Variants in KCNQ1 observed in about 807,000 individuals in gnomAD.
The protein encoded by KCNQ1 is potassium voltage-gated channel subfamily Q member 1.
In KCNQ1, 49 loss-of-function variants were observed where a neutral mutation model predicts 72.4. That is an observed-to-expected ratio of 0.68 (90% confidence interval 0.54 to 0.86). The LOEUF (loss-of-function observed/expected upper bound fraction) is 0.86, where lower values mean the gene tolerates loss of function less well. Among genes scored for constraint, KCNQ1 ranks in the 40% least tolerant of loss-of-function variants. The probability of loss-of-function intolerance (pLI) is 0.00; values close to 1 mark genes in which losing one functional copy is unlikely to be tolerated. For missense variants in KCNQ1, 790 were observed against 945.1 expected (o/e 0.84, Z 2.15); for synonymous variants, 450 against 412.6 (o/e 1.09, Z -1.10).
Position 2,509,047 on chromosome 11 carries a change from G to A in KCNQ1, c.387-18881G>A, listed in dbSNP as rs142235549. Among the ~76,000 whole-genome samples, 39 of 152,346 alleles carry A rather than the reference G, an allele frequency of 2.6e-4. 1 individual carries two copies. In the East Asian group the frequency reaches 7.3e-3, roughly 29 times the overall value. On this transcript the variant is annotated intron_variant, in intron 1 of 15. Transcript: ENST00000155840. The surrounding 1 kb of genome is among the most constrained non-coding windows in gnomAD (Gnocchi z 6.3). ...GAGCAATCTGGAAGGCTTCCTGGAG[G>A]AGGAGCTATTGCTCAGGGTGAAATA...
At chr11:2,775,665 G>A (rs1258771159) in intron 12 of KCNQ1, among the ~76,000 whole-genome samples, 1 of 152,224 alleles carries the variant, frequency 6.6e-6, no homozygotes. Context: ...GGTAGCCTGG[G>A]GTGGTGGGGG....
rs953569672 is a variant in KCNQ1 at position 2,541,906 on chromosome 11, T to C, written c.477+13888T>C. On this transcript the variant is annotated intron_variant, in intron 2 of 15. Coordinates refer to ENST00000155840, the MANE Select transcript of KCNQ1 (RefSeq NM_000218.3). The surrounding 1 kb of genome is among the most constrained non-coding windows in gnomAD (Gnocchi z 4.8). ...TCAGCTAAGGGGGTTTGGGGGCCAG[T>C]CGGCAGCCTCTGGAGGCCTCTGCAC... Among the ~76,000 whole-genome samples, 3 of 152,216 alleles carry C rather than the reference T, an allele frequency of 2.0e-5. No homozygotes were observed. The South Asian group carries it at 6.2e-4, about 32-fold the overall frequency.
intron 11 of KCNQ1, chr11:2,685,061 G>A: frequency 5.0e-6 from 2 of 398,626 alleles, no homozygotes; most frequent in Non-Finnish European, 8.8e-6. Flanking sequence ...AAAATGTATG[G>A]GACAGCCTGT....
chr11:2,838,851 G>T (rs1001909450), intron 15 of KCNQ1, among the ~76,000 whole-genome samples: 1 of 152,182 alleles, frequency 6.6e-6, no homozygotes, highest in African/African-American at 2.4e-5. Flanking sequence ...TCGCCAGAGG[G>T]GGCAGCTCAG....
rs938247352 is a variant in KCNQ1 at position 2,688,257 on chromosome 11, G to A, written c.1514+26176G>A. ...CATACAGGGCTGTTTGATCTGAGAG[G>A]GAGGCGCCATGACCTCTGTTTAGAC... On this transcript the variant is annotated intron_variant, in intron 11 of 15. Transcript: ENST00000155840. 1.2e-4 allele frequency: 49 copies of A among 398,556 alleles called. No homozygotes were observed. Among genetic ancestry groups the A allele is most frequent in the Non-Finnish European group, 4.9e-5 (11 of 226,126 alleles). 24.7% of individuals were successfully genotyped at this position (398,556 alleles called of 1,614,324 possible). A position where few individuals can be genotyped will look rare whatever the true frequency, so the allele number is the denominator to read the frequency against.
In KCNQ1 at chr11:2,627,082, C is replaced by T; in HGVS notation, c.1394-34879C>T. ...AGGAGGTGTTTTCCCTTTATGTCTACTTTAATTTCTTTCAGCATTGTTTTG... is the reference window on the plus strand; with the variant it reads ...AGGAGGTGTTTTCCCTTTATGTCTATTTTAATTTCTTTCAGCATTGTTTTG... On this transcript the variant is annotated intron_variant, in intron 10 of 15. Transcript: ENST00000155840. The surrounding 1 kb of genome is among the most constrained non-coding windows in gnomAD (Gnocchi z 4.9). The T allele has an allele frequency of 2.5e-6, 1 of 398,406 alleles. No homozygotes were observed. Among genetic ancestry groups the T allele is most frequent in the South Asian group, 1.3e-4 (1 of 7,850 alleles). The allele number at this position is 398,406 out of a possible 1,614,324, so 24.7% of individuals were successfully genotyped here.
rs1157654099 is a variant in KCNQ1 at position 2,691,425 on chromosome 11, T to TG, written c.1514+29345dup. The TG allele has an allele frequency of 1.5e-5, 6 of 398,520 alleles. No homozygotes were observed. The Admixed American group carries it at 2.6e-4, about 18-fold the overall frequency. The allele number at this position is 398,520 out of a possible 1,614,324, so 24.7% of individuals were successfully genotyped here. A position where few individuals can be genotyped will look rare whatever the true frequency, so the allele number is the denominator to read the frequency against. ...GAACTGCTGTCTGTGGGGAGTCCACTGAAGCTCCCTGCCCCCACTGAGTCT... is the reference window on the plus strand; with the variant it reads ...GAACTGCTGTCTGTGGGGAGTCCACTGGAAGCTCCCTGCCCCCACTGAGTCT... On this transcript the variant is annotated intron_variant, in intron 11 of 15. Coordinates refer to ENST00000155840, the MANE Select transcript of KCNQ1 (RefSeq NM_000218.3). This position sits in a 1 kb window ranked among gnomAD's most constrained non-coding sequence, Gnocchi z 6.4.
intron 2 of KCNQ1, among the ~76,000 whole-genome samples, chr11:2,548,761 C>T (rs1484387253): frequency 2.0e-5 from 3 of 152,196 alleles, no homozygotes; most frequent in South Asian, 2.1e-4. Context: ...TGGGCTCTGG[C>T]GGTGGCCTGG....
chr11:2,807,654 G>A (rs1252839819), intron 15 of KCNQ1, among the ~76,000 whole-genome samples: 3 of 152,040 alleles, frequency 2.0e-5, no homozygotes, highest in East Asian at 1.9e-4. Context: ...ACAGGCGGGC[G>A]AGGGGCACCC....
intron 2 of KCNQ1, among the ~76,000 whole-genome samples, chr11:2,570,182 GC>G (rs1036074995): frequency 7.8e-5 from 11 of 140,286 alleles, no homozygotes; most frequent in African/African-American, 3.3e-4. Flanking sequence ...CTGGTGTGGG[GC>G]CCCCTCTGAC....
At position 2,698,761 on chromosome 11, in the gene KCNQ1, G is replaced by A. The variant is rs1274147785; in HGVS notation, c.1514+36680G>A. On this transcript the variant is annotated intron_variant, in intron 11 of 15. Coordinates refer to ENST00000155840, the MANE Select transcript of KCNQ1 (RefSeq NM_000218.3). The surrounding 1 kb of genome is among the most constrained non-coding windows in gnomAD (Gnocchi z 5.1). ...TTGGATCTCAACTCAGAGCCATGAT[G>A]CAGACTCCAGACCGGGATTCAGGTC... 2.0e-5 allele frequency: 8 copies of A among 398,596 alleles called. No homozygotes were observed. Among genetic ancestry groups the A allele is most frequent in the Non-Finnish European group, 3.5e-5 (8 of 226,158 alleles). 24.7% of individuals were successfully genotyped at this position (398,596 alleles called of 1,614,324 possible). A position where few individuals can be genotyped will look rare whatever the true frequency, so the allele number is the denominator to read the frequency against.
At chr11:2,634,315 CCCCCTCCCCCCTCCCCCCCCA>C (rs1196658478) in intron 10 of KCNQ1, 2 of 7,268 alleles carry the variant, frequency 2.8e-4, no homozygotes, top group Admixed American at 2.8e-3. Context: ...GCTTTCCCTC[CCCCCTCCCCCCTCCCCCCCCA>C]CCCCACAACA....
At chr11:2,514,723 G>A (rs1406656866) in intron 1 of KCNQ1, among the ~76,000 whole-genome samples, 1 of 152,236 alleles carries the variant, frequency 6.6e-6, no homozygotes, top group Admixed American at 6.5e-5. Context: ...CTACTCGGGA[G>A]GCTGAGGCAG....
intron 2 of KCNQ1, 112 bp from the exon 3 acceptor site, chr11:2,570,516 A>G (rs1407278292): frequency 1.4e-6 from 2 of 1,440,126 alleles, no homozygotes; most frequent in Non-Finnish European, 9.5e-7. Context: ...TGCTGTTCTC[A>G]GGGTGTCCTT....
Position 2,803,030 on chromosome 11 carries a change from A to G in KCNQ1, c.1794+24993A>G, listed in dbSNP as rs1564899095. 1.3e-5 allele frequency among the ~76,000 whole-genome samples: 2 copies of G among 152,186 alleles called. No individual in the cohort carries two copies. Among genetic ancestry groups the G allele is most frequent in the Non-Finnish European group, 2.9e-5 (2 of 68,026 alleles). ...GAGCTGGCCCTGGCCACTCTCTCAG[A>G]GCAGGAGGTGACATGAAGGGAAGGT... On this transcript the variant is annotated intron_variant, in intron 15 of 15. Transcript: ENST00000155840. This position sits in a 1 kb window ranked among gnomAD's most constrained non-coding sequence, Gnocchi z 6.4.
At chr11:2,604,610 T>A (rs978146427) in intron 10 of KCNQ1, among the ~76,000 whole-genome samples, 5 of 150,538 alleles carry the variant, frequency 3.3e-5, no homozygotes, top group African/African-American at 1.2e-4. Context: ...AGTGGCGCGA[T>A]CTGAGCTCAC....
Position 2,509,164 on chromosome 11 carries a change from G to C in KCNQ1, c.387-18764G>C, listed in dbSNP as rs1274557396. 6.6e-6 allele frequency among the ~76,000 whole-genome samples: 1 copy of C among 152,244 alleles called. No individual in the cohort carries two copies. The highest frequency in any genetic ancestry group is 1.5e-5 in the Non-Finnish European group (1 of 68,046). ...TCTGTTACCAAAAGCACACAGCACAGGTTGGGAGAGCAACTATCTCAAGGC... is the reference window on the plus strand; with the variant it reads ...TCTGTTACCAAAAGCACACAGCACACGTTGGGAGAGCAACTATCTCAAGGC... On this transcript the variant is annotated intron_variant, in intron 1 of 15. Transcript: ENST00000155840. This position sits in a 1 kb window ranked among gnomAD's most constrained non-coding sequence, Gnocchi z 6.3.
rs1466813310 is a variant in KCNQ1, at chr11:2,566,820, CT to C, written c.478-3807del. Reference sequence around the variant, plus strand: ...AGGCGCTTTGTGGGGCTGGATGATCCTGGGTGCCCCTCAGAGAAGGCCCTGG... The same window carrying C: ...AGGCGCTTTGTGGGGCTGGATGATCCGGGTGCCCCTCAGAGAAGGCCCTGG... On this transcript the variant is annotated intron_variant, in intron 2 of 15. Transcript: ENST00000155840. The surrounding 1 kb of genome is among the most constrained non-coding windows in gnomAD (Gnocchi z 6.7). 6.6e-6 allele frequency among the ~76,000 whole-genome samples: 1 copy of C among 152,142 alleles called. No individual in the cohort carries two copies. The highest frequency in any genetic ancestry group is 2.4e-5 in the African/African-American group (1 of 41,418).
intron 2 of KCNQ1, among the ~76,000 whole-genome samples, chr11:2,551,280 C>T (rs996937765): frequency 3.9e-5 from 6 of 152,154 alleles, no homozygotes; most frequent in African/African-American, 4.8e-5. Flanking sequence ...AGCCCCTCCC[C>T]GCACCTGGGA....
Sources: allele counts gnomAD v4.1 joint callset (sites outside exome capture counted in the v4.1 genomes callset), GRCh38; gene constraint gnomAD v4.1.1; non-coding constraint Gnocchi (gnomAD v3.1); transcripts MANE v1.5; gene names NCBI Gene and HGNC (gene_info 2026-07-23, HGNC 2026-07-21).